The following TEKT5 variants were observed in gnomAD, a reference collection of about 807,000 sequenced individuals.
TEKT5 encodes the protein tektin 5.
Under a neutral mutation model 48.7 loss-of-function variants are expected in TEKT5, and 52 were observed. The ratio of observed to expected loss-of-function variants is 1.07; its 90% confidence interval spans 0.86 to 1.35. The LOEUF is 1.35. TEKT5 is among the 40% of genes most tolerant of loss of function. TEKT5 has a pLI of 0.00. For synonymous variants in TEKT5, 318 were observed against 267.6 expected (o/e 1.19, Z -1.84); for missense variants, 831 against 641.6 (o/e 1.30, Z -3.19).
At position 10,675,168 on chromosome 16, in the gene TEKT5, T is replaced by G. The variant is rs553808238; in HGVS notation, c.1086+791A>C. Among the ~76,000 whole-genome samples the G allele has an allele frequency of 5.3e-5, 8 of 152,260 alleles. No homozygotes were observed. The South Asian group carries it at 1.7e-3, about 32-fold the overall frequency. On this transcript the variant is annotated intron_variant, in intron 5 of 6. Coordinates refer to ENST00000283025, the MANE Select transcript of TEKT5 (RefSeq NM_144674.2). Reference sequence around the variant, plus strand: ...TCTGCAAACACAAATTCAAGGCTAGTTCCCTCTGACTTGACTATCATCCAA... The same window carrying G: ...TCTGCAAACACAAATTCAAGGCTAGGTCCCTCTGACTTGACTATCATCCAA...
intron 5 of TEKT5, among the ~76,000 whole-genome samples, chr16:10,636,466 T>A (rs1477733280): frequency 6.6e-6 from 1 of 151,836 alleles, no homozygotes; most frequent in Non-Finnish European, 1.5e-5. Context: ...CGGGCCAGTA[T>A]CATGGTTGGT....
chr16:10,657,887 A>G (rs1317957418), intron 5 of TEKT5, among the ~76,000 whole-genome samples: 4 of 151,580 alleles, frequency 2.6e-5, no homozygotes, highest in Non-Finnish European at 5.9e-5. Flanking sequence ...GGCGTGAACC[A>G]CTGCGCCCGG....
chr16:10,694,382 A>G lies in TEKT5; in HGVS notation c.492T>C (p.Thr164=), dbSNP rs202032000. Residue 164 remains threonine (T), a synonymous_variant, in exon 1 of 7, where the codon ACT becomes ACC. Transcript: ENST00000283025. The stretch of plus-strand genomic sequence containing the variant: ...TGACCGTCTCCAAGTTCTGGTTCTC[A>G]GTCAGAAGCCTGTCCAGCTCATAGC... ...ELSYELDRLL[T]ENQNLETVKR... The G allele has an allele frequency of 6.2e-7, 1 of 1,613,782 alleles. No individual in the cohort carries two copies. The highest frequency in any genetic ancestry group is 1.3e-5 in the African/African-American group (1 of 74,896).
intron 5 of TEKT5, among the ~76,000 whole-genome samples, chr16:10,658,171 G>A (rs1345536086): frequency 2.0e-5 from 3 of 152,152 alleles, no homozygotes; most frequent in Non-Finnish European, 4.4e-5. Flanking sequence ...GCGGCTGGTG[G>A]AAGTCAATAT....
chr16:10,689,338 G>C lies in TEKT5; in HGVS notation c.649-15C>G, dbSNP rs754933375. On this transcript the variant is annotated splice_polypyrimidine_tract_variant and intron_variant, in intron 2 of 6. Transcript: ENST00000283025. ...AAATCCACTTCCTGAAATGAAAAAT[G>C]TCAGAAAGAGCAGTGCCTCTTAGAA... The C allele has an allele frequency of 1.2e-6, 2 of 1,608,460 alleles. No homozygotes were observed. The highest frequency in any genetic ancestry group is 1.1e-5 in the South Asian group (1 of 90,690).
chr16:10,650,339 G>T (rs554153240), intron 5 of TEKT5, among the ~76,000 whole-genome samples: 1 of 152,016 alleles, frequency 6.6e-6, no homozygotes, highest in Admixed American at 6.6e-5. Context: ...GACCTCAGGT[G>T]ATCTGCCCAC....
intron 5 of TEKT5, among the ~76,000 whole-genome samples, chr16:10,652,284 C>A (rs1335801403): frequency 6.6e-6 from 1 of 152,110 alleles, no homozygotes; most frequent in African/African-American, 2.4e-5. Context: ...ATGCCCAGCT[C>A]TTCCCACAGT....
intron 5 of TEKT5, among the ~76,000 whole-genome samples, chr16:10,654,590 C>T (rs1898225417): frequency 6.6e-6 from 1 of 152,196 alleles, no homozygotes; most frequent in South Asian, 2.1e-4. Context: ...TGAATTCGCT[C>T]TCTCTGCTTT....
chr16:10,675,862 A>G (rs1232423069), intron 5 of TEKT5, 97 bp downstream of exon 5: 11 of 1,260,206 alleles, frequency 8.7e-6, no homozygotes, highest in Non-Finnish European at 1.1e-5. Context: ...CTTTGGCACC[A>G]GGGGCAGGGC....
At chr16:10,661,695 C>T (rs546200414) in intron 5 of TEKT5, among the ~76,000 whole-genome samples, 2 of 152,218 alleles carry the variant, frequency 1.3e-5, no homozygotes, top group South Asian at 4.2e-4. Context: ...TGAGGAGAGG[C>T]CAGTGGTATT....
At chr16:10,643,586 C>T (rs558047602) in intron 5 of TEKT5, among the ~76,000 whole-genome samples, 3 of 152,068 alleles carry the variant, frequency 2.0e-5, no homozygotes, top group South Asian at 4.2e-4. Context: ...TGAGATGAGC[C>T]GTAAGTAAGC....
At chr16:10,683,538 A>G (rs1251033383) in intron 3 of TEKT5, among the ~76,000 whole-genome samples, 1 of 152,248 alleles carries the variant, frequency 6.6e-6, no homozygotes, top group Non-Finnish European at 1.5e-5. Flanking sequence ...ATTCTTGCCA[A>G]ATACCAAACT....
chr16:10,672,550 T>G (rs1196205445), intron 5 of TEKT5, among the ~76,000 whole-genome samples: 5 of 152,082 alleles, frequency 3.3e-5, no homozygotes, highest in Admixed American at 1.3e-4. Context: ...GAGCCGAGAT[T>G]GCGCCACTGC....
chr16:10,647,689 C>G (rs998885884), intron 5 of TEKT5, among the ~76,000 whole-genome samples: 4 of 152,156 alleles, frequency 2.6e-5, no homozygotes, highest in Non-Finnish European at 5.9e-5. Context: ...GCTCAGTCAG[C>G]CTGTGATGGG....
intron 3 of TEKT5, among the ~76,000 whole-genome samples, chr16:10,683,751 C>T (rs2248002): frequency 0.57 from 86,256 of 151,608 alleles, 25,734 homozygotes; most frequent in East Asian, 0.79. Context: ...CCACCACTCC[C>T]GGCTGATTTT....
intron 1 of TEKT5, among the ~76,000 whole-genome samples, chr16:10,694,047 G>C (rs897349601): frequency 6.6e-6 from 1 of 152,174 alleles, no homozygotes; most frequent in African/African-American, 2.4e-5. Context: ...GCATGCATAA[G>C]TATGCACACA....
intron 5 of TEKT5, among the ~76,000 whole-genome samples, chr16:10,646,041 G>A (rs190108690): frequency 6.6e-6 from 1 of 151,954 alleles, no homozygotes; most frequent in African/African-American, 2.4e-5. Flanking sequence ...GCTGAGGAAG[G>A]ATTGCTTGAG....
At chr16:10,643,708 A>C (rs1054292166) in intron 5 of TEKT5, among the ~76,000 whole-genome samples, 1 of 152,250 alleles carries the variant, frequency 6.6e-6, no homozygotes, top group African/African-American at 2.4e-5. Flanking sequence ...GTATATTATT[A>C]TCAAAGTATT....
At chr16:10,632,883 C>T (rs373798538) in intron 6 of TEKT5, among the ~76,000 whole-genome samples, 14,648 of 147,798 alleles carry the variant, frequency 0.099, 877 homozygotes, top group South Asian at 0.16. Flanking sequence ...CACACACACA[C>T]ACACACACAC....
Sources: gnomAD v4.1 joint callset for allele counts (sites outside exome capture counted in the v4.1 genomes callset) on GRCh38, gnomAD v4.1.1 for gene constraint, MANE v1.5 for transcripts, NCBI Gene and HGNC (gene_info 2026-07-23, HGNC 2026-07-21) for gene names.